TANC1: variants seen among roughly 807,000 people sequenced by gnomAD.
TANC1 encodes the protein tetratricopeptide repeat, ankyrin repeat and coiled-coil containing 1, also known as protein TANC1.
Under a neutral mutation model 149.7 loss-of-function variants are expected in TANC1, and 77 were observed. The ratio of observed to expected loss-of-function variants is 0.51; its 90% CI spans 0.43 to 0.62. The LOEUF (loss-of-function observed/expected upper bound fraction) is 0.62, where lower values mean the gene tolerates loss of function less well. TANC1 is among the 20% of genes least tolerant of loss of function. The pLI is 0.00. For synonymous variants in TANC1, 854 were observed against 925.0 expected, an observed-to-expected ratio of 0.92 and a Z score of 1.39; for missense variants, 1,985 against 2,321.8, an observed-to-expected ratio of 0.85 and a Z score of 2.98.
At chr2:159,121,366 C>A (rs1183879551) in intron 4 of TANC1, among the ~76,000 whole-genome samples, 2 of 152,206 alleles carry the variant, frequency 1.3e-5, no homozygotes, top group African/African-American at 4.8e-5. Context: ...GGACTCCCAC[C>A]CTTATCGCCC....
At chr2:159,065,838 A>C in intron 2 of TANC1, 58 bp from the exon 3 acceptor site, 2 of 1,414,510 alleles carry the variant, frequency 1.4e-6, no homozygotes, top group Non-Finnish European at 2.0e-6. Context: ...TCAAGACACA[A>C]GTTATATTCC....
intron 1 of TANC1, among the ~76,000 whole-genome samples, chr2:158,973,259 A>C (rs927139585): frequency 6.6e-6 from 1 of 152,190 alleles, no homozygotes; most frequent in African/African-American, 2.4e-5. Flanking sequence ...CACATAGCCC[A>C]GAGCCACAGT....
At chr2:159,089,656 C>T (rs1054035171) in intron 3 of TANC1, among the ~76,000 whole-genome samples, 1 of 152,214 alleles carries the variant, frequency 6.6e-6, no homozygotes, top group African/African-American at 2.4e-5. Context: ...TGCCCACACC[C>T]AACCACCAAC....
intron 3 of TANC1, among the ~76,000 whole-genome samples, chr2:159,078,871 G>A (rs1559217228): frequency 6.6e-6 from 1 of 152,148 alleles, no homozygotes; most frequent in African/African-American, 2.4e-5. Context: ...ACAAAATGAA[G>A]TTAGTATTGC....
At chr2:159,091,034 G>GT (rs202246294) in intron 3 of TANC1, among the ~76,000 whole-genome samples, 3,463 of 148,982 alleles carry the variant, frequency 0.023, 60 homozygotes, top group Non-Finnish European at 0.028. Flanking sequence ...GTGTTTTTTT[G>GT]TTTTTTTTTT....
rs932778617 is a variant in TANC1 at position 159,231,931 on chromosome 2, G to A, written c.*919G>A. 4 of 152,414 alleles carry A rather than the reference G, an allele frequency of 2.6e-5. No individual in the cohort carries two copies. The highest frequency in any genetic ancestry group is 5.9e-5 in the Non-Finnish European group (4 of 68,012). The allele number at this position is 152,414 out of a possible 1,614,324, so 9.4% of individuals were successfully genotyped here. On this transcript the variant is annotated 3_prime_UTR_variant, in exon 27 of 27. Coordinates refer to ENST00000263635, the MANE Select transcript of TANC1 (RefSeq NM_033394.3). Reference sequence around the variant, plus strand: ...TTACTTTTGTTTTGTTGTACAATTAGTACTTTATAGTCACATGTTGTATAT... The same window carrying A: ...TTACTTTTGTTTTGTTGTACAATTAATACTTTATAGTCACATGTTGTATAT...
At chr2:159,096,126 G>C (rs944412756) in intron 3 of TANC1, among the ~76,000 whole-genome samples, 3 of 152,128 alleles carry the variant, frequency 2.0e-5, no homozygotes, top group African/African-American at 7.2e-5. Context: ...TCTGCTCTCT[G>C]TGACTTAGAG....
intron 2 of TANC1, among the ~76,000 whole-genome samples, chr2:159,064,110 C>G (rs965135952): frequency 6.6e-6 from 1 of 152,158 alleles, no homozygotes; most frequent in African/African-American, 2.4e-5. Context: ...AAGAATATGT[C>G]TGTGTTTACC....
chr2:159,012,357 C>G (rs970108290), intron 2 of TANC1, among the ~76,000 whole-genome samples: 1 of 152,092 alleles, frequency 6.6e-6, no homozygotes. Flanking sequence ...AGTCCCTGTA[C>G]ATGATTGTGC....
intron 4 of TANC1, among the ~76,000 whole-genome samples, chr2:159,100,460 C>T (rs189989818): frequency 1.0e-3 from 156 of 152,254 alleles, no homozygotes; most frequent in African/African-American, 3.7e-3. Context: ...AAGTTTTTCT[C>T]CATAGGAATG....
chr2:159,056,824 G>T, intron 2 of TANC1: 1 of 342,102 alleles, frequency 2.9e-6, no homozygotes, highest in South Asian at 3.1e-5. Context: ...TCCAGGTCTA[G>T]CTTGAATATC....
intron 1 of TANC1, among the ~76,000 whole-genome samples, chr2:158,990,049 G>A (rs1347035742): frequency 1.3e-5 from 2 of 151,980 alleles, no homozygotes; most frequent in East Asian, 3.9e-4. Flanking sequence ...CTGAGTAGCT[G>A]GGGTTACAGG....
At chr2:159,115,069 C>T (rs2048099225) in intron 4 of TANC1, among the ~76,000 whole-genome samples, 1 of 152,140 alleles carries the variant, frequency 6.6e-6, no homozygotes, top group Admixed American at 6.6e-5. Context: ...CTGGGGACCT[C>T]CCAGTTTGGC....
intron 1 of TANC1, among the ~76,000 whole-genome samples, chr2:158,982,786 T>C (rs1407852016): frequency 1.3e-5 from 2 of 152,080 alleles, no homozygotes; most frequent in Non-Finnish European, 2.9e-5. Context: ...TTTTTTATTT[T>C]TTTATTTTTA....
In TANC1 at chr2:159,232,264, T is replaced by G. The variant is rs1156829675; in HGVS notation, c.*1252T>G. 6.6e-6 allele frequency: 1 copy of G among 152,648 alleles called. No individual in the cohort carries two copies. The allele number at this position is 152,648 out of a possible 1,614,324, so 9.5% of individuals were successfully genotyped here. A position where few individuals can be genotyped will look rare whatever the true frequency, so the allele number is the denominator to read the frequency against. On this transcript the variant is annotated 3_prime_UTR_variant, in exon 27 of 27. Transcript: ENST00000263635. ...GGTATTTTTATATGAAAATGGTGTG[T>G]TATTGGAAGATGTTAAAATGCTAAT...
intron 1 of TANC1, among the ~76,000 whole-genome samples, chr2:158,973,843 G>T (rs1485833479): frequency 6.6e-6 from 1 of 152,206 alleles, no homozygotes; most frequent in Non-Finnish European, 1.5e-5. Flanking sequence ...TCCACATTCT[G>T]TGGGACTCTG....
chr2:159,012,956 A>G (rs1276152606), intron 2 of TANC1, among the ~76,000 whole-genome samples: 2 of 152,048 alleles, frequency 1.3e-5, no homozygotes, highest in African/African-American at 2.4e-5. Context: ...ATGTAGCTCT[A>G]TTTTTTAGCC....
intron 7 of TANC1, among the ~76,000 whole-genome samples, chr2:159,153,769 G>T (rs1305732054): frequency 6.6e-6 from 1 of 152,156 alleles, no homozygotes; most frequent in Admixed American, 6.5e-5. Context: ...CTCAGTTGTG[G>T]TTCTGTGATT....
intron 1 of TANC1, among the ~76,000 whole-genome samples, chr2:158,972,285 T>C (rs1397282545): frequency 6.6e-6 from 1 of 152,260 alleles, no homozygotes; most frequent in Non-Finnish European, 1.5e-5. Context: ...ATCATTTGCC[T>C]TTGATCTTGG....
Sources: gnomAD v4.1 joint callset for allele counts (sites outside exome capture counted in the v4.1 genomes callset) on GRCh38, gnomAD v4.1.1 for gene constraint, MANE v1.5 for transcripts, NCBI Gene and HGNC (gene_info 2026-07-23, HGNC 2026-07-21) for gene names.